The following PDS5A variants were observed in gnomAD, a reference collection of about 807,000 sequenced individuals.
PDS5A encodes PDS5 cohesin associated factor A, also known as sister chromatid cohesion protein PDS5 homolog A.
In PDS5A, 42 loss-of-function variants were observed where a neutral mutation model predicts 167.1. That is an observed-to-expected ratio of 0.25 (90% CI 0.20 to 0.33). PDS5A has a LOEUF of 0.33. PDS5A is among the 10% of genes least tolerant of loss of function. The pLI is 1.00. For synonymous variants in PDS5A, 553 were observed against 554.6 expected, an observed-to-expected ratio of 1.00 and a Z score of 0.04; for missense variants, 1,033 against 1,605.9, an observed-to-expected ratio of 0.64 and a Z score of 6.10.
At chr4:39,944,987 A>G (rs921477546) in intron 2 of PDS5A, among the ~76,000 whole-genome samples, 9 of 152,164 alleles carry the variant, frequency 5.9e-5, no homozygotes, top group Non-Finnish European at 1.0e-4. Context: ...ACCACTTGCA[A>G]TAGTACTAAT....
chr4:39,968,232 G>A (rs944008040), intron 2 of PDS5A, among the ~76,000 whole-genome samples: 2 of 151,868 alleles, frequency 1.3e-5, no homozygotes, highest in Non-Finnish European at 2.9e-5. Context: ...GGAAATACAG[G>A]CATAAGCCAG....
chr4:39,883,632 TTTTTTG>T (rs1374049301), intron 17 of PDS5A, among the ~76,000 whole-genome samples: 1 of 152,272 alleles, frequency 6.6e-6, no homozygotes. Flanking sequence ...TTAGCCCAGT[TTTTTTG>T]TTTTTGTCTT....
intron 11 of PDS5A, among the ~76,000 whole-genome samples, chr4:39,907,135 A>G (rs1365544086): frequency 2.6e-5 from 4 of 152,172 alleles, no homozygotes; most frequent in African/African-American, 9.7e-5. Flanking sequence ...CTGTAATAGT[A>G]GTGAAACTTT....
intron 26 of PDS5A, among the ~76,000 whole-genome samples, chr4:39,853,172 C>T (rs10022627): frequency 0.048 from 7,331 of 152,162 alleles, 277 homozygotes; most frequent in East Asian, 0.22. Context: ...AAATCCTGGA[C>T]TCAAATAATC....
In PDS5A at chr4:39,922,751, A is replaced by AT. The variant is rs770781951; in HGVS notation, c.528-4dup. On this transcript the variant is annotated splice_polypyrimidine_tract_variant and splice_region_variant and intron_variant, in intron 5 of 32. Coordinates refer to ENST00000303538, the MANE Select transcript of PDS5A (RefSeq NM_001100399.2). ...GTACCTTCTTATTGTGGCTATTGCT[A>AT]TAAAAAAAAAAAAAAAAGAATAAGT... 60 of 1,341,508 alleles carry AT rather than the reference A, an allele frequency of 4.5e-5. No homozygotes were observed. The highest frequency in any genetic ancestry group is 5.2e-5 in the Non-Finnish European group (54 of 1,037,792). 83.1% of individuals were successfully genotyped at this position (1,341,508 alleles called of 1,614,324 possible). A position where few individuals can be genotyped will look rare whatever the true frequency, so the allele number is the denominator to read the frequency against.
chr4:39,855,892 G>A (rs550713808), intron 26 of PDS5A, among the ~76,000 whole-genome samples: 82 of 152,192 alleles, frequency 5.4e-4, no homozygotes, highest in African/African-American at 1.9e-3. Context: ...CAAACGGAAA[G>A]ACAGAAAGTA....
chr4:39,838,136 C>T lies in PDS5A; in HGVS notation c.3730G>A (p.Ala1244Thr). Residue 1244 changes from alanine to threonine, a missense_variant, in exon 32 of 33, where the codon GCT becomes ACT. Transcript: ENST00000303538. Reference protein sequence around the residue: ...DRGKKRTVTAAGAENIQQKTD... With the variant: ...DRGKKRTVTATGAENIQQKTD... ...TTTTGTTGGATATTCTCTGCACCAG[C>T]TGCTGTTACTGTTCTTTTCTTTCCT... The T allele has an allele frequency of 6.2e-7, 1 of 1,613,808 alleles. No individual in the cohort carries two copies. Among genetic ancestry groups the T allele is most frequent in the East Asian group, 2.2e-5 (1 of 44,886 alleles).
intron 2 of PDS5A, among the ~76,000 whole-genome samples, chr4:39,930,246 A>AAAATTTTTTT: frequency 2.1e-5 from 2 of 93,156 alleles, no homozygotes; most frequent in Non-Finnish European, 2.2e-5. Flanking sequence ...AAAAAAAAAA[A>AAAATTTTTTT]GTTTTTTTGT....
At chr4:39,853,069 G>C (rs1421573046) in intron 26 of PDS5A, among the ~76,000 whole-genome samples, 2 of 150,542 alleles carry the variant, frequency 1.3e-5, no homozygotes, top group Non-Finnish European at 3.0e-5. Flanking sequence ...GGACTGAGTA[G>C]CTGGGACTAC....
chr4:39,929,518 A>ATTATATATATAT (rs1725770084), intron 2 of PDS5A, among the ~76,000 whole-genome samples: 1 of 22,766 alleles, frequency 4.4e-5, no homozygotes, highest in Non-Finnish European at 7.0e-5. Flanking sequence ...TACTTAATAA[A>ATTATATATATAT]CTATATATAT....
rs1410616634 is a variant in PDS5A, at chr4:39,824,440, TAAAATA to T, written c.*1039_*1044del. 6.6e-6 allele frequency: 1 copy of T among 152,298 alleles called. No homozygotes were observed. Among genetic ancestry groups the T allele is most frequent in the African/African-American group, 2.4e-5 (1 of 41,434 alleles). The allele number at this position is 152,298 out of a possible 1,614,324, so 9.4% of individuals were successfully genotyped here. A position where few individuals can be genotyped will look rare whatever the true frequency, so the allele number is the denominator to read the frequency against. Reference sequence around the variant, plus strand: ...ATAATATATTGATGCAACAGTTTTCTAAAATAAACATAAAAATGAGCCCAGACCATC... The same window carrying T: ...ATAATATATTGATGCAACAGTTTTCTAACATAAAAATGAGCCCAGACCATC... On this transcript the variant is annotated 3_prime_UTR_variant, in exon 33 of 33. Transcript: ENST00000303538.
chr4:39,947,079 T>C (rs2109778625), intron 2 of PDS5A, among the ~76,000 whole-genome samples: 1 of 152,092 alleles, frequency 6.6e-6, no homozygotes, highest in East Asian at 1.9e-4. Flanking sequence ...CCTATCTCTA[T>C]TGAGAAAAAA....
intron 26 of PDS5A, among the ~76,000 whole-genome samples, chr4:39,853,749 C>T (rs1020879339): frequency 6.6e-6 from 1 of 152,176 alleles, no homozygotes; most frequent in Non-Finnish European, 1.5e-5. Flanking sequence ...CTATTGCCTT[C>T]TTCCTCCCCA....
intron 31 of PDS5A, among the ~76,000 whole-genome samples, chr4:39,840,629 C>T (rs1445937741): frequency 6.6e-6 from 1 of 152,134 alleles, no homozygotes; most frequent in African/African-American, 2.4e-5. Context: ...CTCCTGACCT[C>T]AGGCGATTTG....
Position 39,848,895 on chromosome 4 carries a change from T to C in PDS5A, c.3295A>G (p.Lys1099Glu). The change falls in exon 28 of 33, where the codon AAG (lysine) becomes GAG (glutamate). Residue 1099 changes from lysine to glutamate, a missense_variant. By Grantham distance (56) the Lys-to-Glu change is moderately conservative. Around this residue, in one of 4 missense-constraint regions of PDS5A, gnomAD observed 367 missense variants for 686.7 expected, o/e 0.53. Transcript: ENST00000303538. The stretch of plus-strand genomic sequence containing the variant: ...AATTTCATTGGGAGGACTGGGTCCT[T>C]TGGTGAATCTGCATTGCACAAAGCA... ...KSALCNADSPKDPVLPMKFFT... is the reference protein window; with the variant it reads ...KSALCNADSPEDPVLPMKFFT... The C allele has an allele frequency of 3.1e-6, 5 of 1,606,908 alleles. No homozygotes were observed. The South Asian group carries it at 4.5e-5, about 14-fold the overall frequency.
intron 2 of PDS5A, among the ~76,000 whole-genome samples, chr4:39,941,880 C>T (rs553228134): frequency 6.6e-6 from 1 of 152,298 alleles, no homozygotes; most frequent in East Asian, 1.9e-4. Context: ...TGAACTATGA[C>T]TGCACAACTG....
At chr4:39,925,387 T>C (rs1417693859) in intron 5 of PDS5A, among the ~76,000 whole-genome samples, 2 of 152,172 alleles carry the variant, frequency 1.3e-5, no homozygotes, top group Non-Finnish European at 2.9e-5. Flanking sequence ...TCAAAGTTAG[T>C]GAGCTTAAAG....
chr4:39,910,258 G>A lies in PDS5A; in HGVS notation c.1073C>T (p.Ala358Val). ...AGCTAGCTTACCTGTGAGATCCTTC[G>A]CTAAATCTGGGTGATTCATTAAACA... ...SHCLMNHPDL[A>V]KDLTEYLKVR... is the part of the protein sequence containing the mutation. The change falls in exon 10 of 33, where the codon GCG (alanine) becomes GTG (valine). Residue 358 changes from alanine to valine, a missense_variant. Coordinates refer to ENST00000303538, the MANE Select transcript of PDS5A (RefSeq NM_001100399.2). 2 of 1,566,008 alleles carry A rather than the reference G, an allele frequency of 1.3e-6. No individual in the cohort carries two copies. Among genetic ancestry groups the A allele is most frequent in the Non-Finnish European group, 1.8e-6 (2 of 1,141,712 alleles).
chr4:39,861,395 T>G (rs1281768244), intron 26 of PDS5A, among the ~76,000 whole-genome samples: 1 of 151,976 alleles, frequency 6.6e-6, no homozygotes, highest in Non-Finnish European at 1.5e-5. Context: ...GAGGCAGATG[T>G]TGCAGTGAGC....
Sources: allele counts gnomAD v4.1 joint callset (sites outside exome capture counted in the v4.1 genomes callset), GRCh38; gene constraint gnomAD v4.1.1; regional missense constraint gnomAD v4.1.1; transcripts MANE v1.5; gene names NCBI Gene and HGNC (gene_info 2026-07-23, HGNC 2026-07-21).